The following LINGO2 variants were observed in gnomAD, a reference collection of about 807,000 sequenced individuals.
The protein encoded by LINGO2 is leucine-rich repeat and immunoglobulin-like domain-containing nogo receptor-interacting protein 2.
LINGO2 carries 14 observed loss-of-function variants against 30.6 expected under a neutral mutation model. The ratio of observed to expected loss-of-function variants is 0.46; its 90% CI spans 0.30 to 0.72. LINGO2 has a LOEUF of 0.72. Ranked by LOEUF, LINGO2 falls within the 30% of genes least tolerant of loss-of-function variation. The probability of loss-of-function intolerance (pLI) is 0.07; values close to 1 mark genes in which losing one functional copy is unlikely to be tolerated. For missense variants in LINGO2, 729 were observed against 751.7 expected (o/e 0.97, Z 0.35); for synonymous variants, 317 against 288.5 (o/e 1.10, Z -1.00).
chr9:28,833,522 C>G, the LINGO2 span, among the ~76,000 whole-genome samples: 1 of 152,148 alleles, frequency 6.6e-6, no homozygotes, highest in African/African-American at 2.4e-5. Flanking sequence ...AGAAAACTGA[C>G]ATGTCAAACT....
chr9:28,785,967 A>G, the LINGO2 span, among the ~76,000 whole-genome samples: 93 of 152,340 alleles, frequency 6.1e-4, 1 homozygote, highest in South Asian at 0.015. Context: ...ACCTTCTGTA[A>G]CAAATCCATT....
At chr9:28,027,000 C>A (rs1384108710) in intron 4 of LINGO2, among the ~76,000 whole-genome samples, 1 of 152,156 alleles carries the variant, frequency 6.6e-6, no homozygotes, top group African/African-American at 2.4e-5. Flanking sequence ...AATGGTCCAT[C>A]TTTCCTGACA....
intron 4 of LINGO2, chr9:28,149,197 G>A: frequency 8.0e-7 from 1 of 1,243,058 alleles, no homozygotes; most frequent in South Asian, 1.3e-5. Flanking sequence ...GGAGGAGAAA[G>A]AAGAGATGGT....
At chr9:28,770,360 C>G in the LINGO2 span, among the ~76,000 whole-genome samples, 1 of 152,102 alleles carries the variant, frequency 6.6e-6, no homozygotes, top group African/African-American at 2.4e-5. Context: ...CTTCAGTCTC[C>G]CCAATGGTTT....
chr9:28,544,766 A>G (rs1821857434), intron 1 of LINGO2, among the ~76,000 whole-genome samples: 1 of 149,364 alleles, frequency 6.7e-6, no homozygotes, highest in Admixed American at 6.7e-5. Context: ...GTTATATATT[A>G]TATTATATAC....
At chr9:28,483,324 T>A (rs1039718768) in intron 1 of LINGO2, among the ~76,000 whole-genome samples, 1 of 152,018 alleles carries the variant, frequency 6.6e-6, no homozygotes, top group African/African-American at 2.4e-5. Flanking sequence ...AGCTCTTGGA[T>A]CAAACTAAAT....
chr9:28,649,277 A>G (rs887513679), intron 1 of LINGO2, among the ~76,000 whole-genome samples: 1 of 152,184 alleles, frequency 6.6e-6, no homozygotes, highest in Admixed American at 6.5e-5. Context: ...TAATAGCAAT[A>G]GTAGTAGTAG....
chr9:27,973,139 C>G lies in LINGO2; in HGVS notation c.-35-22433G>C, dbSNP rs536969828. 2.6e-5 allele frequency among the ~76,000 whole-genome samples: 4 copies of G among 152,240 alleles called. No homozygotes were observed. The East Asian group carries it at 7.7e-4, about 29-fold the overall frequency. On this transcript the variant is annotated intron_variant, in intron 5 of 5. Coordinates refer to ENST00000379992, the Ensembl canonical transcript of LINGO2. Reference sequence around the variant, plus strand: ...TAGGACTTCTTGGCCTTCATAATTGCATGATCCAATGACCATAAATCTGTG... The same window carrying G: ...TAGGACTTCTTGGCCTTCATAATTGGATGATCCAATGACCATAAATCTGTG...
the LINGO2 span, among the ~76,000 whole-genome samples, chr9:28,846,779 C>T: frequency 2.0e-5 from 3 of 148,004 alleles, 1 homozygote; most frequent in African/African-American, 5.1e-5. Flanking sequence ...GTGCATTAGT[C>T]AGTTTTTGTT....
the LINGO2 span, among the ~76,000 whole-genome samples, chr9:28,727,899 G>C: frequency 2.0e-5 from 3 of 152,256 alleles, no homozygotes; most frequent in East Asian, 5.8e-4. Flanking sequence ...GACAGATACA[G>C]AGGCAGAGAT....
intron 2 of LINGO2, among the ~76,000 whole-genome samples, chr9:28,450,415 T>C (rs16913088): frequency 0.03 from 4,584 of 152,182 alleles, 216 homozygotes; most frequent in African/African-American, 0.1. Context: ...GAGTGGGCTT[T>C]TGAGCTGCAG....
At chr9:28,389,336 G>A (rs1413007013) in intron 2 of LINGO2, among the ~76,000 whole-genome samples, 1 of 152,026 alleles carries the variant, frequency 6.6e-6, no homozygotes, top group Non-Finnish European at 1.5e-5. Context: ...GAAAGATAAT[G>A]TTTGTCTTCA....
intron 4 of LINGO2, among the ~76,000 whole-genome samples, chr9:28,196,808 C>A (rs1587198016): frequency 6.6e-6 from 1 of 151,792 alleles, no homozygotes; most frequent in Non-Finnish European, 1.5e-5. Context: ...TATAGAAATA[C>A]AAATATCACA....
At chr9:29,153,833 G>A in the LINGO2 span, among the ~76,000 whole-genome samples, 41 of 152,066 alleles carry the variant, frequency 2.7e-4, no homozygotes, top group African/African-American at 8.4e-4. Flanking sequence ...AATAGCAACC[G>A]ATACAGATCA....
intron 4 of LINGO2, among the ~76,000 whole-genome samples, chr9:28,241,344 C>T (rs1475942072): frequency 6.9e-6 from 1 of 145,366 alleles, no homozygotes; most frequent in Non-Finnish European, 1.5e-5. Flanking sequence ...AGATAGCCAA[C>T]TAGAAGCAGT....
At chr9:29,023,754 A>C in the LINGO2 span, among the ~76,000 whole-genome samples, 1 of 152,124 alleles carries the variant, frequency 6.6e-6, no homozygotes, top group African/African-American at 2.4e-5. Context: ...CCTGAGAATT[A>C]AGTATTAAAT....
chr9:29,195,911 G>C, the LINGO2 span, among the ~76,000 whole-genome samples: 2 of 152,042 alleles, frequency 1.3e-5, no homozygotes, highest in Non-Finnish European at 2.9e-5. Context: ...TAAGACATCA[G>C]TGAATGTAAG....
chr9:28,221,196 A>T (rs1475390308), intron 4 of LINGO2, among the ~76,000 whole-genome samples: 1 of 145,672 alleles, frequency 6.9e-6, no homozygotes, highest in African/African-American at 2.5e-5. Context: ...AGCTACTTGG[A>T]GGCTGAGGCA....
intron 4 of LINGO2, among the ~76,000 whole-genome samples, chr9:28,263,604 C>A (rs1391417078): frequency 1.3e-5 from 2 of 151,982 alleles, no homozygotes; most frequent in Non-Finnish European, 2.9e-5. Context: ...TCATTTATTT[C>A]TCTCAAAAGT....
Sources: allele counts gnomAD v4.1 joint callset (sites outside exome capture counted in the v4.1 genomes callset), GRCh38; gene constraint gnomAD v4.1.1; transcripts MANE v1.5; gene names NCBI Gene and HGNC (gene_info 2026-07-23, HGNC 2026-07-21).